The following FNBP4 variants were observed in gnomAD, a reference collection of about 807,000 sequenced individuals.
The protein encoded by FNBP4 is formin-binding protein 4.
Under a neutral mutation model 119.3 loss-of-function variants are expected in FNBP4, and 34 were observed. That is an observed-to-expected ratio of 0.28 (90% CI 0.22 to 0.38). The LOEUF (loss-of-function observed/expected upper bound fraction) is 0.38, where lower values mean the gene tolerates loss of function less well. FNBP4 is among the 10% of genes least tolerant of loss of function. FNBP4 has a pLI of 1.00. For synonymous variants in FNBP4, 462 were observed against 430.6 expected, an observed-to-expected ratio of 1.07 and a Z score of -0.90; for missense variants, 1,112 against 1,228.9, an observed-to-expected ratio of 0.90 and a Z score of 1.42.
At chr11:47,722,736 G>A (rs1384619449) in intron 15 of FNBP4, among the ~76,000 whole-genome samples, 7 of 152,086 alleles carry the variant, frequency 4.6e-5, no homozygotes, top group Admixed American at 1.3e-4. Context: ...GATTACAGGT[G>A]CGTGCCACCA....
intron 8 of FNBP4, among the ~76,000 whole-genome samples, chr11:47,737,705 G>C (rs2097576143): frequency 6.7e-6 from 1 of 150,058 alleles, no homozygotes; most frequent in East Asian, 2.0e-4. Flanking sequence ...CTCCCAATGT[G>C]CTGGGATTAT....
At chr11:47,728,080 T>A (rs956112009) in intron 12 of FNBP4, among the ~76,000 whole-genome samples, 1 of 151,778 alleles carries the variant, frequency 6.6e-6, no homozygotes, top group Non-Finnish European at 1.5e-5. Flanking sequence ...TTCTACATAT[T>A]GGGTAAGCTG....
At chr11:47,728,054 T>A (rs1389581708) in intron 12 of FNBP4, among the ~76,000 whole-genome samples, 4 of 151,742 alleles carry the variant, frequency 2.6e-5, no homozygotes, top group Admixed American at 2.6e-4. Flanking sequence ...TTTTGTATTT[T>A]TAGTAGAGGC....
intron 15 of FNBP4, 80 bp from the exon 16 acceptor site, chr11:47,720,166 C>T: frequency 1.5e-6 from 2 of 1,352,564 alleles, no homozygotes; most frequent in Admixed American, 2.6e-5. Flanking sequence ...GGTCAGGATC[C>T]TTTTCCCAGT....
chr11:47,754,494 A>G (rs1234467669), intron 3 of FNBP4, 34 bp downstream of exon 3: 2 of 1,605,472 alleles, frequency 1.2e-6, no homozygotes, highest in South Asian at 1.1e-5. Flanking sequence ...AAGTAGCTTC[A>G]GTAACTAAAA....
At chr11:47,758,067 T>G (rs997555030) in intron 2 of FNBP4, among the ~76,000 whole-genome samples, 2 of 152,180 alleles carry the variant, frequency 1.3e-5, no homozygotes, top group Non-Finnish European at 2.9e-5. Flanking sequence ...CTGCCTTGAC[T>G]TCCCAAAATG....
At chr11:47,720,187 A>G (rs912841570) in intron 15 of FNBP4, 101 bp from the exon 16 acceptor site, 12 of 1,084,416 alleles carry the variant, frequency 1.1e-5, no homozygotes, top group Non-Finnish European at 1.5e-5. Flanking sequence ...TCTAAAGAAT[A>G]TGCACACTTT....
Position 47,723,202 on chromosome 11 carries a change from G to A in FNBP4, c.2579C>T (p.Ser860Leu). ...GHQARGMSLQ[S>L]NYLGLAAAPA... The stretch of plus-strand genomic sequence containing the variant: ...TGCTGCCGCTAGTCCAAGGTAATTT[G>A]ACTGCAGGCTCATTCCTCTGGCCTG... The change falls in exon 15 of 17, where the codon TCA (serine) becomes TTA (leucine). Residue 860 changes from serine to leucine, a missense_variant. Physicochemically the swap from Ser to Leu is moderately radical, Grantham distance 145 (BLOSUM62 -2). Around this residue, in one of 2 missense-constraint regions of FNBP4, gnomAD observed 826 missense variants for 988.8 expected, o/e 0.84. Coordinates refer to ENST00000263773, the MANE Select transcript of FNBP4 (RefSeq NM_015308.5). 1.2e-6 allele frequency: 2 copies of A among 1,614,156 alleles called. No homozygotes were observed. The highest frequency in any genetic ancestry group is 2.2e-5 in the South Asian group (2 of 91,080).
intron 2 of FNBP4, among the ~76,000 whole-genome samples, chr11:47,762,852 G>C (rs1338203406): frequency 7.1e-6 from 1 of 140,402 alleles, no homozygotes; most frequent in Non-Finnish European, 1.5e-5. Flanking sequence ...AGAGACTGCA[G>C]TGAGCCAAGA....
At chr11:47,760,406 T>C (rs1340841688) in intron 2 of FNBP4, among the ~76,000 whole-genome samples, 1 of 150,792 alleles carries the variant, frequency 6.6e-6, no homozygotes, top group African/African-American at 2.4e-5. Context: ...GGATTACAAG[T>C]GCGTGCCAAT....
intron 16 of FNBP4, among the ~76,000 whole-genome samples, chr11:47,718,905 G>GTTTTTTGTTTTTTTTTTTT (rs753039918): frequency 7.7e-6 from 1 of 130,358 alleles, no homozygotes; most frequent in African/African-American, 2.8e-5. Context: ...CACCCAACAT[G>GTTTTTTGTTTTTTTTTTTT]TTTTTTTTTT....
chr11:47,743,882 CA>C lies in FNBP4; in HGVS notation c.1456+70del, dbSNP rs1021814097. ...ATCTCCTGTTTTGTTGAAGAGGAAACAAAAAAAGACAAGAGTTTCCTTCCCC... is the reference window on the plus strand; with the variant it reads ...ATCTCCTGTTTTGTTGAAGAGGAAACAAAAAAGACAAGAGTTTCCTTCCCC... On this transcript the variant is annotated intron_variant, in intron 8 of 16. Coordinates refer to ENST00000263773, the MANE Select transcript of FNBP4 (RefSeq NM_015308.5). The C allele has an allele frequency of 6.3e-6, 9 of 1,420,234 alleles. No individual in the cohort carries two copies. The African/African-American group carries it at 7.1e-5, about 11-fold the overall frequency. The allele number at this position is 1,420,234 out of a possible 1,614,324, so 88.0% of individuals were successfully genotyped here. A position where few individuals can be genotyped will look rare whatever the true frequency, so the allele number is the denominator to read the frequency against.
intron 2 of FNBP4, among the ~76,000 whole-genome samples, chr11:47,761,005 G>T (rs959995565): frequency 1.3e-5 from 2 of 152,120 alleles, no homozygotes; most frequent in African/African-American, 2.4e-5. Context: ...TGGCTTGCTT[G>T]AAACAACTAA....
At chr11:47,761,365 C>T (rs1565167699) in intron 2 of FNBP4, among the ~76,000 whole-genome samples, 2 of 152,088 alleles carry the variant, frequency 1.3e-5, no homozygotes, top group Admixed American at 6.6e-5. Context: ...GAGGCTGAGA[C>T]GAGTGGATTA....
In FNBP4 at chr11:47,732,785, T is replaced by C; in HGVS notation, c.1687-115A>G. The C allele has an allele frequency of 1.0e-6, 1 of 952,388 alleles. No homozygotes were observed. The highest frequency in any genetic ancestry group is 1.6e-6 in the Non-Finnish European group (1 of 623,636). The allele number at this position is 952,388 out of a possible 1,614,324, so 59.0% of individuals were successfully genotyped here. The stretch of plus-strand genomic sequence containing the variant: ...ATATCCCTGTGCTCTGGCAGGACAG[T>C]AGACCAGAGAGGAAAATAAACCCCA... On this transcript the variant is annotated intron_variant, in intron 10 of 16. Coordinates refer to ENST00000263773, the MANE Select transcript of FNBP4 (RefSeq NM_015308.5). The surrounding 1 kb of genome is among the most constrained non-coding windows in gnomAD (Gnocchi z 4.2).
chr11:47,744,195 A>ATG, intron 7 of FNBP4, 32 bp from the exon 8 acceptor site: 1 of 1,516,314 alleles, frequency 6.6e-7, no homozygotes, highest in Non-Finnish European at 9.2e-7. Flanking sequence ...AGTTAGTGTC[A>ATG]TTAACTGCTT....
At chr11:47,755,485 AC>A (rs1182770120) in intron 2 of FNBP4, among the ~76,000 whole-genome samples, 1 of 151,950 alleles carries the variant, frequency 6.6e-6, no homozygotes, top group Non-Finnish European at 1.5e-5. Flanking sequence ...AAATAAAAAA[AC>A]ATGTTGATCT....
At chr11:47,743,216 C>T (rs1460575969) in intron 8 of FNBP4, among the ~76,000 whole-genome samples, 6 of 152,010 alleles carry the variant, frequency 3.9e-5, no homozygotes, top group African/African-American at 7.2e-5. Context: ...CAGCTGAAAG[C>T]GGTGGCTCAC....
chr11:47,724,849 C>A, intron 12 of FNBP4, 71 bp from the exon 13 acceptor site: 1 of 1,503,254 alleles, frequency 6.7e-7, no homozygotes, highest in African/African-American at 1.4e-5. Context: ...TAGAAATGTT[C>A]AACTGGTCAG....
Sources: allele counts gnomAD v4.1 joint callset (sites outside exome capture counted in the v4.1 genomes callset), GRCh38; gene constraint gnomAD v4.1.1; regional missense constraint gnomAD v4.1.1; non-coding constraint Gnocchi (gnomAD v3.1); transcripts MANE v1.5; gene names NCBI Gene and HGNC (gene_info 2026-07-23, HGNC 2026-07-21).